The following CRIPTO variants were observed in gnomAD, a reference collection of about 807,000 sequenced individuals.
CRIPTO encodes cripto, EGF-CFC family member.
the CRIPTO span, chr3:46,581,027 G>C: frequency 1.2e-6 from 1 of 836,082 alleles, no homozygotes; most frequent in East Asian, 2.6e-5. Flanking sequence ...TGAGTGTCCT[G>C]AGAAGAGCAG....
chr3:46,580,387 T>C, the CRIPTO span, among the ~76,000 whole-genome samples: 1 of 152,198 alleles, frequency 6.6e-6, no homozygotes, highest in Admixed American at 6.5e-5. Context: ...CTGGTGTTCC[T>C]TTCCTTTGGG....
At chr3:46,577,635 T>G in the CRIPTO span, 1 of 425,916 alleles carries the variant, frequency 2.3e-6, no homozygotes, top group Admixed American at 3.8e-5. Context: ...AAGACTCCTC[T>G]TCCCGCGTGT....
the CRIPTO span, among the ~76,000 whole-genome samples, chr3:46,574,994 G>A: frequency 6.6e-6 from 1 of 152,218 alleles, no homozygotes; most frequent in Non-Finnish European, 1.5e-5. Flanking sequence ...TTTTGTAAGG[G>A]ATGAGATGGG....
chr3:46,579,181 AT>A, the CRIPTO span: 1 of 1,614,060 alleles, frequency 6.2e-7, no homozygotes, highest in Non-Finnish European at 8.5e-7. Flanking sequence ...ATCACTCTCA[AT>A]TTTTATGTGG....
At chr3:46,579,767 G>A in the CRIPTO span, 6 of 1,613,054 alleles carry the variant, frequency 3.7e-6, no homozygotes, top group Non-Finnish European at 5.1e-6. Context: ...CCTGCTGCCT[G>A]AATGGGGGAA....
chr3:46,580,204 C>G, the CRIPTO span: 4 of 1,067,236 alleles, frequency 3.7e-6, no homozygotes, highest in East Asian at 2.6e-5. Context: ...ATCGCAGACT[C>G]CTGATGAGAT....
At chr3:46,576,026 C>T in the CRIPTO span, among the ~76,000 whole-genome samples, 1 of 152,194 alleles carries the variant, frequency 6.6e-6, no homozygotes, top group Admixed American at 6.5e-5. Context: ...TGAAGCATTT[C>T]ACCTGAAAAG....
the CRIPTO span, chr3:46,579,864 C>T: frequency 6.9e-3 from 11,106 of 1,614,172 alleles, 55 homozygotes; most frequent in Non-Finnish European, 8.0e-3. Flanking sequence ...GTAAGCAATT[C>T]AGAGGGGCGG....
the CRIPTO span, chr3:46,579,455 C>A: frequency 6.2e-7 from 1 of 1,605,124 alleles, no homozygotes; most frequent in Non-Finnish European, 8.5e-7. Flanking sequence ...TAAAAGGGCA[C>A]CTGGTTCTGG....
the CRIPTO span, among the ~76,000 whole-genome samples, chr3:46,576,808 T>A: frequency 6.6e-6 from 1 of 152,124 alleles, no homozygotes; most frequent in Non-Finnish European, 1.5e-5. Flanking sequence ...GATTGAAATG[T>A]TAGGTGAGGC....
At chr3:46,576,661 C>T in the CRIPTO span, among the ~76,000 whole-genome samples, 1 of 152,094 alleles carries the variant, frequency 6.6e-6, no homozygotes, top group South Asian at 2.1e-4. Context: ...AAACAACTAT[C>T]TAATAAAAGT....
the CRIPTO span, chr3:46,581,458 T>G: frequency 1.6e-6 from 1 of 613,812 alleles, no homozygotes; most frequent in East Asian, 2.7e-5. Flanking sequence ...AAACTACTTC[T>G]TTTTTCAAAA....
the CRIPTO span, chr3:46,582,222 A>T: frequency 1.3e-5 from 2 of 152,188 alleles, no homozygotes; most frequent in African/African-American, 4.8e-5. Flanking sequence ...TCCCAAAGGC[A>T]TTATAAAAAG....
the CRIPTO span, among the ~76,000 whole-genome samples, chr3:46,576,729 G>GA: frequency 6.6e-6 from 1 of 152,112 alleles, no homozygotes; most frequent in African/African-American, 2.4e-5. Context: ...TTAGAAATTG[G>GA]AATTAAATGC....
chr3:46,576,448 T>A, the CRIPTO span, among the ~76,000 whole-genome samples: 3 of 119,748 alleles, frequency 2.5e-5, no homozygotes, highest in Non-Finnish European at 4.8e-5. Context: ...GCCATTGCAC[T>A]CCAGCCCGGG....
the CRIPTO span, among the ~76,000 whole-genome samples, chr3:46,578,164 G>A: frequency 1.3e-5 from 2 of 152,160 alleles, no homozygotes; most frequent in Admixed American, 1.3e-4. Context: ...AATTTCACAT[G>A]GTTACTTCTA....
the CRIPTO span, among the ~76,000 whole-genome samples, chr3:46,575,573 G>A: frequency 2.6e-5 from 4 of 152,270 alleles, no homozygotes; most frequent in East Asian, 5.8e-4. Context: ...TTCTGGTCCC[G>A]TCAATGACAA....
the CRIPTO span, chr3:46,579,607 T>C: frequency 8.9e-6 from 11 of 1,235,958 alleles, no homozygotes; most frequent in Non-Finnish European, 1.3e-5. Flanking sequence ...TGCATGAAAA[T>C]GACTTCTCTG....
the CRIPTO span, chr3:46,581,994 G>T: frequency 6.6e-6 from 1 of 152,406 alleles, no homozygotes; most frequent in Non-Finnish European, 1.5e-5. Flanking sequence ...ATCTTTAAGG[G>T]GAGGAACCAG....
Sources: allele counts gnomAD v4.1 joint callset (sites outside exome capture counted in the v4.1 genomes callset), GRCh38; gene constraint gnomAD v4.1.1; transcripts MANE v1.5; gene names NCBI Gene and HGNC (gene_info 2026-07-23, HGNC 2026-07-21).